TPMT: variants seen among roughly 807,000 people sequenced by gnomAD.
The protein encoded by TPMT is S-adenosyl-L-methionine:thiopurine S-methyltransferase.
Under a neutral mutation model 34.2 loss-of-function variants are expected in TPMT, and 18 were observed. The ratio of observed to expected loss-of-function variants is 0.53; its 90% CI spans 0.36 to 0.78. TPMT has a LOEUF of 0.78. Ranked by LOEUF, TPMT falls within the 30% of genes least tolerant of loss-of-function variation. The pLI is 0.00. For synonymous variants in TPMT, 69 were observed against 92.4 expected (o/e 0.75, Z 1.45); for missense variants, 265 against 288.1 (o/e 0.92, Z 0.58).
chr6:18,133,116 C>A (rs552833148), intron 7 of TPMT, among the ~76,000 whole-genome samples: 1 of 151,912 alleles, frequency 6.6e-6, no homozygotes, highest in Admixed American at 6.6e-5. Context: ...AACAAAAAAA[C>A]CAAAATACTA....
chr6:18,149,206 G>T lies in TPMT; in HGVS notation c.-44-35C>A. 6.4e-7 allele frequency: 1 copy of T among 1,568,648 alleles called. No individual in the cohort carries two copies. Among genetic ancestry groups the T allele is most frequent in the Non-Finnish European group, 8.8e-7 (1 of 1,142,024 alleles). On this transcript the variant is annotated intron_variant, in intron 1 of 8. Transcript: ENST00000309983. This position sits in a 1 kb window ranked among gnomAD's most constrained non-coding sequence, Gnocchi z 5.0. The stretch of plus-strand genomic sequence containing the variant: ...AAATATTTGCAATGTTGTCATTTAA[G>T]GTCATTGGAATTCTATTGATGAACT...
Position 18,143,578 on chromosome 6 carries a change from A to G in TPMT, c.366+18T>C. The G allele has an allele frequency of 6.2e-7, 1 of 1,611,890 alleles. No homozygotes were observed. The highest frequency in any genetic ancestry group is 8.5e-7 in the Non-Finnish European group (1 of 1,179,864). Reference sequence around the variant, plus strand: ...TGTGGGGATATGGATACAATTATTTACCCAAATCAAAACAAACCTTAAATA... The same window carrying G: ...TGTGGGGATATGGATACAATTATTTGCCCAAATCAAAACAAACCTTAAATA... On this transcript the variant is annotated intron_variant, in intron 4 of 8. Transcript: ENST00000309983. This position sits in a 1 kb window ranked among gnomAD's most constrained non-coding sequence, Gnocchi z 6.1.
chr6:18,152,246 TC>T (rs1350414774), intron 1 of TPMT, among the ~76,000 whole-genome samples: 2 of 152,178 alleles, frequency 1.3e-5, no homozygotes, highest in Admixed American at 1.3e-4. Context: ...GAATTCAGCT[TC>T]CTTGAAGTTG....
At chr6:18,144,327 T>C (rs1337433225) in intron 3 of TPMT, among the ~76,000 whole-genome samples, 2 of 152,226 alleles carry the variant, frequency 1.3e-5, no homozygotes, top group Non-Finnish European at 2.9e-5. Flanking sequence ...ATCCAAAAAT[T>C]TGTATATTTT....
chr6:18,133,827 G>C lies in TPMT; in HGVS notation c.557C>G (p.Ser186Cys). The change falls in exon 7 of 9, where the codon TCT becomes TGT. Residue 186 changes from serine to cysteine, a missense_variant. Physicochemically the swap from Ser to Cys is moderately radical, Grantham distance 112. Transcript: ENST00000309983. Reference sequence around the variant, plus strand: ...ACCTGGATGTTTAGTTGGATCATAAGAAAGAACACACAGGAGATACTGAAA... The same window carrying C: ...ACCTGGATGTTTAGTTGGATCATAACAAAGAACACACAGGAGATACTGAAA... ...KKFQYLLCVL[S>C]YDPTKHPGPP... 1.9e-6 allele frequency: 3 copies of C among 1,607,482 alleles called. No individual in the cohort carries two copies. The highest frequency in any genetic ancestry group is 2.5e-6 in the Non-Finnish European group (3 of 1,178,134).
At chr6:18,151,490 T>C (rs1210680000) in intron 1 of TPMT, among the ~76,000 whole-genome samples, 1 of 151,966 alleles carries the variant, frequency 6.6e-6, no homozygotes, top group East Asian at 1.9e-4. Context: ...AAAAAAAGAA[T>C]AGGTATAAAA....
rs986023457 is a variant in TPMT, at chr6:18,145,233, G to A, written c.234-1505C>T. Among the ~76,000 whole-genome samples, 1 of 152,072 alleles carries A rather than the reference G, an allele frequency of 6.6e-6. No individual in the cohort carries two copies. Among genetic ancestry groups the A allele is most frequent in the Non-Finnish European group, 1.5e-5 (1 of 68,010 alleles). On this transcript the variant is annotated intron_variant, in intron 3 of 8. Coordinates refer to ENST00000309983, the MANE Select transcript of TPMT (RefSeq NM_000367.5). The surrounding 1 kb of genome is among the most constrained non-coding windows in gnomAD (Gnocchi z 5.6). ...GTGAGGGCACAGCATTTAAAAACTT[G>A]GTCAGTGCCACATTAAAAAACAAAA...
At position 18,130,802 on chromosome 6, in the gene TPMT, T is replaced by C. The variant is rs750239998; in HGVS notation, c.626-22A>G. The C allele has an allele frequency of 1.3e-6, 2 of 1,563,436 alleles. No individual in the cohort carries two copies. Among genetic ancestry groups the C allele is most frequent in the Non-Finnish European group, 8.8e-7 (1 of 1,134,376 alleles). On this transcript the variant is annotated intron_variant, in intron 8 of 8. Transcript: ENST00000309983. This position sits in a 1 kb window ranked among gnomAD's most constrained non-coding sequence, Gnocchi z 4.2. ...TTACCTGAAACAAGAAAGAGTAACA[T>C]GTTAAAATACTATGAAGAATGACAT...
In TPMT at chr6:18,143,333, G is replaced by C. The variant is rs746896277; in HGVS notation, c.366+263C>G. ...CACATGATGGGTTCTCAGAAAATGCGTGTTAATAAAAATAAAACAAGCCTA... is the reference window on the plus strand; with the variant it reads ...CACATGATGGGTTCTCAGAAAATGCCTGTTAATAAAAATAAAACAAGCCTA... On this transcript the variant is annotated intron_variant, in intron 4 of 8. Coordinates refer to ENST00000309983, the MANE Select transcript of TPMT (RefSeq NM_000367.5). This position sits in a 1 kb window ranked among gnomAD's most constrained non-coding sequence, Gnocchi z 6.1. Among the ~76,000 whole-genome samples the C allele has an allele frequency of 6.6e-6, 1 of 152,082 alleles. No individual in the cohort carries two copies.
rs2150715502 is a variant in TPMT at position 18,143,581 on chromosome 6, C to G, written c.366+15G>C. The G allele has an allele frequency of 6.2e-7, 1 of 1,611,878 alleles. No homozygotes were observed. Among genetic ancestry groups the G allele is most frequent in the Non-Finnish European group, 8.5e-7 (1 of 1,179,878 alleles). On this transcript the variant is annotated intron_variant, in intron 4 of 8. Transcript: ENST00000309983. This position sits in a 1 kb window ranked among gnomAD's most constrained non-coding sequence, Gnocchi z 6.1. ...GGGGATATGGATACAATTATTTACCCAAATCAAAACAAACCTTAAATACTT... is the reference window on the plus strand; with the variant it reads ...GGGGATATGGATACAATTATTTACCGAAATCAAAACAAACCTTAAATACTT...
chr6:18,140,711 TAAAAAA>T lies in TPMT; in HGVS notation c.367-1000_367-995del, dbSNP rs1430183045. Among the ~76,000 whole-genome samples, 2 of 151,538 alleles carry T rather than the reference TAAAAAA, an allele frequency of 1.3e-5. No individual in the cohort carries two copies. Among genetic ancestry groups the T allele is most frequent in the East Asian group, 3.9e-4 (2 of 5,164 alleles). On this transcript the variant is annotated intron_variant, in intron 4 of 8. Coordinates refer to ENST00000309983, the MANE Select transcript of TPMT (RefSeq NM_000367.5). The surrounding 1 kb of genome is among the most constrained non-coding windows in gnomAD (Gnocchi z 4.7). ...ACAAACACTTGGAGCAAAATAATCC[TAAAAAA>T]TAAACAACAACAACAAAAATCAAGA...
intron 3 of TPMT, 32 bp downstream of exon 3, chr6:18,147,791 A>C (rs1784275082): frequency 5.1e-6 from 8 of 1,581,026 alleles, no homozygotes; most frequent in Non-Finnish European, 6.9e-6. Flanking sequence ...CATTAAGGCA[A>C]GATAATTCTG....
chr6:18,130,845 A>G lies in TPMT; in HGVS notation c.626-65T>C. ...AATGACATCAGGGATTCTTTTAAAA[A>G]TACTCAAAATTGGCTGGGTGCGGTG... On this transcript the variant is annotated intron_variant, in intron 8 of 8. Coordinates refer to ENST00000309983, the MANE Select transcript of TPMT (RefSeq NM_000367.5). This position sits in a 1 kb window ranked among gnomAD's most constrained non-coding sequence, Gnocchi z 4.2. 1 of 1,423,770 alleles carries G rather than the reference A, an allele frequency of 7.0e-7. No homozygotes were observed. 88.2% of individuals were successfully genotyped at this position (1,423,770 alleles called of 1,614,324 possible).
chr6:18,131,885 C>T lies in TPMT; in HGVS notation c.625+248G>A, dbSNP rs1783951670. Among the ~76,000 whole-genome samples the T allele has an allele frequency of 6.6e-6, 1 of 152,134 alleles. No homozygotes were observed. The highest frequency in any genetic ancestry group is 1.5e-5 in the Non-Finnish European group (1 of 68,030). On this transcript the variant is annotated intron_variant, in intron 8 of 8. Transcript: ENST00000309983. The surrounding 1 kb of genome is among the most constrained non-coding windows in gnomAD (Gnocchi z 4.3). ...CTCTGCCTCCCAGGTTCAAGCAATT[C>T]CCATGCCTCAGCCTCTCAAATAGTT... is the stretch of plus-strand genomic sequence containing the variant.
Position 18,139,599 on chromosome 6 carries a change from T to A in TPMT, c.419+66A>T, listed in dbSNP as rs1784104921. ...AAGAGAGTGAGGAAGACACCTCCACTCCCATGCCTGCACTGCCTGGCAAGC... is the reference window on the plus strand; with the variant it reads ...AAGAGAGTGAGGAAGACACCTCCACACCCATGCCTGCACTGCCTGGCAAGC... On this transcript the variant is annotated intron_variant, in intron 5 of 8. Transcript: ENST00000309983. This position sits in a 1 kb window ranked among gnomAD's most constrained non-coding sequence, Gnocchi z 4.2. 7.6e-7 allele frequency: 1 copy of A among 1,317,764 alleles called. No individual in the cohort carries two copies. Among genetic ancestry groups the A allele is most frequent in the Admixed American group, 1.7e-5 (1 of 58,806 alleles). The allele number at this position is 1,317,764 out of a possible 1,614,324, so 81.6% of individuals were successfully genotyped here.
rs1238081182 is a variant in TPMT at position 18,146,477 on chromosome 6, G to A, written c.233+1346C>T. 1.3e-5 allele frequency among the ~76,000 whole-genome samples: 2 copies of A among 152,056 alleles called. No individual in the cohort carries two copies. Among genetic ancestry groups the A allele is most frequent in the Non-Finnish European group, 1.5e-5 (1 of 68,010 alleles). On this transcript the variant is annotated intron_variant, in intron 3 of 8. Coordinates refer to ENST00000309983, the MANE Select transcript of TPMT (RefSeq NM_000367.5). The surrounding 1 kb of genome is among the most constrained non-coding windows in gnomAD (Gnocchi z 6.2). ...ATTAAAGGTGTGAGCCACCGCACCT[G>A]GCCAGTTCTGATATTTTTTGTAATG...
chr6:18,151,245 G>A lies in TPMT; in HGVS notation c.-44-2074C>T, dbSNP rs1357355819. ...CTTTGGGCGACCAAAGTGGGAGGAT[G>A]GCTTGACGCCTGGAGTTTGAGACTA... On this transcript the variant is annotated intron_variant, in intron 1 of 8. Coordinates refer to ENST00000309983, the MANE Select transcript of TPMT (RefSeq NM_000367.5). Among the ~76,000 whole-genome samples, 4 of 147,326 alleles carry A rather than the reference G, an allele frequency of 2.7e-5. No individual in the cohort carries two copies. The Admixed American group carries it at 2.7e-4, about 10-fold the overall frequency.
At position 18,154,832 on chromosome 6, in the gene TPMT, T is replaced by C. The variant is rs1784451349; in HGVS notation, c.-45+201A>G. Among the ~76,000 whole-genome samples the C allele has an allele frequency of 6.6e-6, 1 of 152,170 alleles. No homozygotes were observed. The highest frequency in any genetic ancestry group is 2.4e-5 in the African/African-American group (1 of 41,432). On this transcript the variant is annotated intron_variant, in intron 1 of 8. Coordinates refer to ENST00000309983, the MANE Select transcript of TPMT (RefSeq NM_000367.5). The surrounding 1 kb of genome is among the most constrained non-coding windows in gnomAD (Gnocchi z 4.2). ...ACCAGTGCTTTGGAAGCACTTTAAA[T>C]CCTGGACATTGGATTCAGGTCATTT...
chr6:18,133,137 A>C (rs1191957913), intron 7 of TPMT, among the ~76,000 whole-genome samples: 2 of 152,152 alleles, frequency 1.3e-5, no homozygotes, highest in African/African-American at 2.4e-5. Context: ...ACATATGTAA[A>C]TATTTACAAA....
Sources: gnomAD v4.1 joint callset for allele counts (sites outside exome capture counted in the v4.1 genomes callset) on GRCh38, gnomAD v4.1.1 for gene constraint, Gnocchi (gnomAD v3.1) non-coding constraint, MANE v1.5 for transcripts, NCBI Gene and HGNC (gene_info 2026-07-23, HGNC 2026-07-21) for gene names.